The following PDP1 variants were observed in gnomAD, a reference collection of about 807,000 sequenced individuals.
The protein encoded by PDP1 is pyruvate dehydrogenase phosphatase catalytic subunit 1.
PDP1 carries 14 observed loss-of-function variants against 37.1 expected under a neutral mutation model. That is an observed-to-expected ratio of 0.38 (90% CI 0.25 to 0.59). PDP1 has a LOEUF of 0.59. Ranked by LOEUF, PDP1 falls within the 20% of genes least tolerant of loss-of-function variation. The pLI, the probability that PDP1 is intolerant of heterozygous loss-of-function variation, is 0.67. For synonymous variants in PDP1, 251 were observed against 243.3 expected (o/e 1.03, Z -0.29); for missense variants, 544 against 655.3 (o/e 0.83, Z 1.85).
intron 1 of PDP1, chr8:93,917,617 T>C (rs1215303404): frequency 3.9e-6 from 2 of 506,652 alleles, no homozygotes; most frequent in Admixed American, 3.4e-5. Flanking sequence ...GCACCCCTGC[T>C]CGCGCCTGGG....
In PDP1 at chr8:93,924,531, C is replaced by T. The variant is rs750465585; in HGVS notation, c.*858C>T. Reference sequence around the variant, plus strand: ...TGTAATCCCCAAAGGCTTGGCATGCCGTAAGTGTGTGGTGGGTAGACTGCT... The same window carrying T: ...TGTAATCCCCAAAGGCTTGGCATGCTGTAAGTGTGTGGTGGGTAGACTGCT... On this transcript the variant is annotated 3_prime_UTR_variant, in exon 2 of 2. Coordinates refer to ENST00000297598, the MANE Select transcript of PDP1 (RefSeq NM_018444.4). 4.2e-5 allele frequency: 7 copies of T among 167,020 alleles called. No homozygotes were observed. Among genetic ancestry groups the T allele is most frequent in the Non-Finnish European group, 7.3e-5 (5 of 68,120 alleles). The allele number at this position is 167,020 out of a possible 1,614,324, so 10.3% of individuals were successfully genotyped here. A position where few individuals can be genotyped will look rare whatever the true frequency, so the allele number is the denominator to read the frequency against.
rs774244422 is a variant in PDP1, at chr8:93,924,997, G to T, written c.*1324G>T. 6.0e-6 allele frequency: 1 copy of T among 166,904 alleles called. No individual in the cohort carries two copies. The highest frequency in any genetic ancestry group is 2.4e-5 in the African/African-American group (1 of 41,408). 10.3% of individuals were successfully genotyped at this position (166,904 alleles called of 1,614,324 possible). ...TGGCATTTTGTTCCTGTGTTTAATA[G>T]TGATCTGTATACAGCTGTGCACATA... On this transcript the variant is annotated 3_prime_UTR_variant, in exon 2 of 2. Coordinates refer to ENST00000297598, the MANE Select transcript of PDP1 (RefSeq NM_018444.4).
In PDP1 at chr8:93,922,775, C is replaced by T; in HGVS notation, c.716C>T (p.Ala239Val). ...GATGTTAAGGAGGCTCTAATTAATG[C>T]CTTCAAGAGGCTTGATAATGACATC... ...DIDVKEALIN[A>V]FKRLDNDISL... Residue 239 changes from alanine to valine, a missense_variant, in exon 2 of 2, where the codon GCC becomes GTC. Around this residue, in one of 5 missense-constraint regions of PDP1, gnomAD observed 342 missense variants for 414.0 expected, o/e 0.83. Transcript: ENST00000297598. This position sits in a 1 kb window ranked among gnomAD's most constrained non-coding sequence, Gnocchi z 4.0. 1 of 1,614,180 alleles carries T rather than the reference C, an allele frequency of 6.2e-7. No individual in the cohort carries two copies. The highest frequency in any genetic ancestry group is 8.5e-7 in the Non-Finnish European group (1 of 1,180,026).
At chr8:93,917,600 T>G in intron 1 of PDP1, 1 of 436,108 alleles carries the variant, frequency 2.3e-6, no homozygotes, top group South Asian at 3.0e-5. Context: ...GGGCTGGCCC[T>G]CGGGGCGCAC....
In PDP1 at chr8:93,925,932, G is replaced by C. The variant is rs893079017; in HGVS notation, c.*2259G>C. ...CCCTTAACTAGTTAAATGGAATGTT[G>C]GTATGGTACAGAGTACCATATTGCT... On this transcript the variant is annotated 3_prime_UTR_variant, in exon 2 of 2. Coordinates refer to ENST00000297598, the MANE Select transcript of PDP1 (RefSeq NM_018444.4). 6.0e-6 allele frequency: 1 copy of C among 166,872 alleles called. No homozygotes were observed. Among genetic ancestry groups the C allele is most frequent in the Non-Finnish European group, 1.5e-5 (1 of 68,066 alleles). 10.3% of individuals were successfully genotyped at this position (166,872 alleles called of 1,614,324 possible).
At chr8:93,919,135 T>A in intron 1 of PDP1, 2 of 982,362 alleles carry the variant, frequency 2.0e-6, no homozygotes, top group Non-Finnish European at 2.4e-6. Flanking sequence ...GAGAATTTGA[T>A]GTTTGAACGT....
Position 93,923,957 on chromosome 8 carries a change from T to C in PDP1, c.*284T>C. On this transcript the variant is annotated 3_prime_UTR_variant, in exon 2 of 2. Transcript: ENST00000297598. This position sits in a 1 kb window ranked among gnomAD's most constrained non-coding sequence, Gnocchi z 4.3. ...AGCTTCTTTTACCAACCTGAGAAAA[T>C]TAGGATGACCTGGCAAATAAGATCT... 1.7e-5 allele frequency: 7 copies of C among 409,364 alleles called. No homozygotes were observed. Among genetic ancestry groups the C allele is most frequent in the South Asian group, 1.6e-4 (7 of 44,358 alleles). 25.4% of individuals were successfully genotyped at this position (409,364 alleles called of 1,614,324 possible).
In PDP1 at chr8:93,922,554, C is replaced by G. The variant is rs2130386293; in HGVS notation, c.495C>G (p.Val165=). ...AAAGACTCTTTTATTATATTGCTGT[C>G]TCTTTGTTACCCCATGAGACTTTGC... ...VSERLFYYIA[V]SLLPHETLLE... Residue 165 remains valine, a synonymous_variant, in exon 2 of 2, where the codon GTC becomes GTG. Coordinates refer to ENST00000297598, the MANE Select transcript of PDP1 (RefSeq NM_018444.4). This position sits in a 1 kb window ranked among gnomAD's most constrained non-coding sequence, Gnocchi z 4.0. The G allele has an allele frequency of 6.2e-7, 1 of 1,613,966 alleles. No individual in the cohort carries two copies. The highest frequency in any genetic ancestry group is 8.5e-7 in the Non-Finnish European group (1 of 1,180,022).
rs756545344 is a variant in PDP1 at position 93,923,491 on chromosome 8, G to A, written c.1432G>A (p.Ala478Thr). The change falls in exon 2 of 2, where the codon GCA becomes ACA. Residue 478 changes from alanine (A) to threonine (T), a missense_variant. Ala to Thr is a moderately conservative substitution (Grantham distance 58). Transcript: ENST00000297598. This position sits in a 1 kb window ranked among gnomAD's most constrained non-coding sequence, Gnocchi z 4.3. ...KMSSVFEDQN[A>T]ATHLIRHAVG... is the part of the protein sequence containing the mutation. ...GTCCTCGGTATTTGAGGATCAGAAC[G>A]CAGCAACCCATCTCATTCGCCACGC... 1.2e-6 allele frequency: 2 copies of A among 1,604,620 alleles called. No homozygotes were observed. Among genetic ancestry groups the A allele is most frequent in the Admixed American group, 1.7e-5 (1 of 59,688 alleles).
In PDP1 at chr8:93,917,779, C is replaced by T. The variant is rs1406012151; in HGVS notation, c.-45+700C>T. The T allele has an allele frequency of 1.9e-6, 3 of 1,565,986 alleles. No homozygotes were observed. The African/African-American group carries it at 4.1e-5, about 21-fold the overall frequency. ...GGGCTGGAGCGAGACCTCGCCCCTC[C>T]TCCGCTCCCGCCTCCCCGCCGCCGC... On this transcript the variant is annotated intron_variant, in intron 1 of 1. Coordinates refer to ENST00000297598, the MANE Select transcript of PDP1 (RefSeq NM_018444.4).
chr8:93,920,539 G>T (rs1810236741), intron 1 of PDP1: 1 of 941,550 alleles, frequency 1.1e-6, no homozygotes, highest in Non-Finnish European at 1.3e-6. Context: ...TTTTTTTCTT[G>T]CCCAAATTAT....
rs1810362570 is a variant in PDP1 at position 93,923,792 on chromosome 8, T to TA, written c.*120dup. 5.7e-6 allele frequency: 5 copies of TA among 878,898 alleles called. No individual in the cohort carries two copies. Among genetic ancestry groups the TA allele is most frequent in the Non-Finnish European group, 9.4e-6 (5 of 529,558 alleles). The allele number at this position is 878,898 out of a possible 1,614,324, so 54.4% of individuals were successfully genotyped here. A position where few individuals can be genotyped will look rare whatever the true frequency, so the allele number is the denominator to read the frequency against. On this transcript the variant is annotated 3_prime_UTR_variant, in exon 2 of 2. Coordinates refer to ENST00000297598, the MANE Select transcript of PDP1 (RefSeq NM_018444.4). This position sits in a 1 kb window ranked among gnomAD's most constrained non-coding sequence, Gnocchi z 4.3. The stretch of plus-strand genomic sequence containing the variant: ...TCATTCTAAGCATTTACCCTTTTGA[T>TA]ACTCTAGCTAGTCAGGTACTCCAAA...
Position 93,922,127 on chromosome 8 carries a change from C to A in PDP1, c.68C>A (p.Thr23Asn), listed in dbSNP as rs771139058. ...RNCELSRIYG[T>N]ACYCHHKHLC... The stretch of plus-strand genomic sequence containing the variant: ...TGTGAACTGAGCAGGATCTATGGCA[C>A]TGCATGTTACTGCCACCACAAACAT... The change falls in exon 2 of 2, where the codon ACT (threonine) becomes AAT (asparagine). Residue 23 changes from threonine to asparagine, a missense_variant. Transcript: ENST00000297598. This position sits in a 1 kb window ranked among gnomAD's most constrained non-coding sequence, Gnocchi z 4.0. 6.2e-7 allele frequency: 1 copy of A among 1,613,910 alleles called. No individual in the cohort carries two copies. Among genetic ancestry groups the A allele is most frequent in the South Asian group, 1.1e-5 (1 of 91,080 alleles).
intron 1 of PDP1, chr8:93,917,786 C>CCCGCCTCCCCGCCG (rs751797944): frequency 1.8e-5 from 28 of 1,568,750 alleles, no homozygotes; most frequent in East Asian, 7.1e-5. Context: ...CTCCTCCGCT[C>CCCGCCTCCCCGCCG]CCGCCTCCCC....
Position 93,923,610 on chromosome 8 carries a change from C to G in PDP1, c.1551C>G (p.Asp517Glu), listed in dbSNP as rs1244873240. The change falls in exon 2 of 2, where the codon GAC becomes GAG. Residue 517 changes from aspartate (D) to glutamate (E), a missense_variant. By Grantham distance (45) the Asp-to-Glu change is conservative. Coordinates refer to ENST00000297598, the MANE Select transcript of PDP1 (RefSeq NM_018444.4). The surrounding 1 kb of genome is among the most constrained non-coding windows in gnomAD (Gnocchi z 4.3). Reference sequence around the variant, plus strand: ...AGCTTGCTCGAATGTACAGAGATGACATTACAATCATTGTAGTTCAGTTCA... The same window carrying G: ...AGCTTGCTCGAATGTACAGAGATGAGATTACAATCATTGTAGTTCAGTTCA... ...PEELARMYRD[D>E]ITIIVVQFNS... The G allele has an allele frequency of 6.2e-7, 1 of 1,614,110 alleles. No individual in the cohort carries two copies. The highest frequency in any genetic ancestry group is 1.7e-5 in the Admixed American group (1 of 60,026).
rs776144330 is a variant in PDP1 at position 93,922,749 on chromosome 8, T to C, written c.690T>C (p.Ile230=). 13 of 1,614,020 alleles carry C rather than the reference T, an allele frequency of 8.1e-6. No individual in the cohort carries two copies. In the Admixed American group the frequency reaches 1.3e-4, roughly 17 times the overall value. ...IDLNTGESTD[I]DVKEALINAF... is the part of the protein sequence containing the mutation. ...TCAACACTGGTGAGTCGACTGATATTGATGTTAAGGAGGCTCTAATTAATG... is the reference window on the plus strand; with the variant it reads ...TCAACACTGGTGAGTCGACTGATATCGATGTTAAGGAGGCTCTAATTAATG... The change falls in exon 2 of 2, where the codon ATT becomes ATC. Residue 230 remains isoleucine (I), a synonymous_variant. Coordinates refer to ENST00000297598, the MANE Select transcript of PDP1 (RefSeq NM_018444.4). The surrounding 1 kb of genome is among the most constrained non-coding windows in gnomAD (Gnocchi z 4.0).
chr8:93,925,392 T>C lies in PDP1; in HGVS notation c.*1719T>C, dbSNP rs1482550471. ...TTTGGGAGAGGGAAAGGCTGTACTA[T>C]ATATTTATTTCTAAATGTTTTGACT... On this transcript the variant is annotated 3_prime_UTR_variant, in exon 2 of 2. Coordinates refer to ENST00000297598, the MANE Select transcript of PDP1 (RefSeq NM_018444.4). The C allele has an allele frequency of 1.2e-5, 2 of 166,880 alleles. No homozygotes were observed. Among genetic ancestry groups the C allele is most frequent in the Admixed American group, 1.3e-4 (2 of 15,252 alleles). The allele number at this position is 166,880 out of a possible 1,614,324, so 10.3% of individuals were successfully genotyped here.
intron 1 of PDP1, chr8:93,921,165 A>G (rs1354831258): frequency 1.0e-6 from 1 of 984,400 alleles, no homozygotes; most frequent in East Asian, 1.1e-4. Context: ...TTCCATAAGC[A>G]TAAAGGCATG....
chr8:93,923,094 C>A lies in PDP1; in HGVS notation c.1035C>A (p.Gly345=). The A allele has an allele frequency of 6.2e-7, 1 of 1,614,150 alleles. No individual in the cohort carries two copies. The highest frequency in any genetic ancestry group is 8.5e-7 in the Non-Finnish European group (1 of 1,180,020). The change falls in exon 2 of 2, where the codon GGC becomes GGA. Residue 345 remains glycine, a synonymous_variant. Transcript: ENST00000297598. The surrounding 1 kb of genome is among the most constrained non-coding windows in gnomAD (Gnocchi z 4.3). ...KSVVKQDRLL[G]LLMPFRAFGD... is the part of the protein sequence containing the mutation. ...TCGTGAAACAGGATCGGCTGCTTGGCTTGCTGATGCCATTTAGGGCATTTG... is the reference window on the plus strand; with the variant it reads ...TCGTGAAACAGGATCGGCTGCTTGGATTGCTGATGCCATTTAGGGCATTTG...
Sources: allele counts gnomAD v4.1 joint callset, GRCh38; gene constraint gnomAD v4.1.1; regional missense constraint gnomAD v4.1.1; non-coding constraint Gnocchi (gnomAD v3.1); transcripts MANE v1.5; gene names NCBI Gene and HGNC (gene_info 2026-07-23, HGNC 2026-07-21).